Variants in ITPR2 observed in about 807,000 individuals in gnomAD.
ITPR2 encodes inositol 1,4,5-trisphosphate receptor type 2.
Under a neutral mutation model 317.1 loss-of-function variants are expected in ITPR2, and 207 were observed. The ratio of observed to expected loss-of-function variants is 0.65; its 90% CI spans 0.58 to 0.73. The LOEUF (loss-of-function observed/expected upper bound fraction) is 0.73. Ranked by LOEUF, ITPR2 falls within the 30% of genes least tolerant of loss-of-function variation. ITPR2 has a pLI of 0.00. For missense variants in ITPR2, 2,613 were observed against 3,284.0 expected, an observed-to-expected ratio of 0.80 and a Z score of 4.99; for synonymous variants, 1,156 against 1,149.1, an observed-to-expected ratio of 1.01 and a Z score of -0.12.
intron 40 of ITPR2, 64 bp from the exon 41 acceptor site, chr12:26,486,424 AAAC>A: frequency 1.0e-5 from 14 of 1,358,768 alleles, no homozygotes; most frequent in African/African-American, 7.3e-5. Flanking sequence ...AAAAAAAAAA[AAAC>A]AAACCAGGTA....
Position 26,387,583 on chromosome 12 carries a change from C to T in ITPR2, c.7708G>A (p.Asp2570Asn). The change falls in exon 55 of 57, where the codon GAC becomes AAC. Residue 2570 changes from aspartate (D) to asparagine (N), a missense_variant. Coordinates refer to ENST00000381340, the MANE Select transcript of ITPR2 (RefSeq NM_002223.4). ...GAAACCGTTTTATTATCAAACTTGT[C>T]TCTCTCAAGTCCTGAAAAACACAGG... ...TTCFICGLER[D>N]KFDNKTVSFE... is the part of the protein sequence containing the mutation. 1 of 1,613,288 alleles carries T rather than the reference C, an allele frequency of 6.2e-7. No homozygotes were observed. Among genetic ancestry groups the T allele is most frequent in the Non-Finnish European group, 8.5e-7 (1 of 1,179,604 alleles).
intron 2 of ITPR2, among the ~76,000 whole-genome samples, chr12:26,750,318 T>G (rs1002977854): frequency 2.0e-5 from 3 of 152,156 alleles, no homozygotes; most frequent in African/African-American, 7.2e-5. Flanking sequence ...AATAGTGACC[T>G]CTTGTACTAG....
At chr12:26,772,009 G>T (rs1186358733) in intron 2 of ITPR2, among the ~76,000 whole-genome samples, 1 of 152,004 alleles carries the variant, frequency 6.6e-6, no homozygotes, top group Non-Finnish European at 1.5e-5. Context: ...TACAGCAGTG[G>T]TACTCTTGTC....
chr12:26,354,606 A>G (rs1038490940), intron 55 of ITPR2, among the ~76,000 whole-genome samples: 1 of 152,130 alleles, frequency 6.6e-6, no homozygotes, highest in Non-Finnish European at 1.5e-5. Context: ...GTCTCTCTTT[A>G]AGTCTTTTCC....
At chr12:26,554,032 TCCTATTA>T (rs1177789697) in intron 36 of ITPR2, among the ~76,000 whole-genome samples, 2 of 152,194 alleles carry the variant, frequency 1.3e-5, no homozygotes, top group Non-Finnish European at 2.9e-5. Context: ...TGCAATGTAT[TCCTATTA>T]TCACATCACT....
Position 26,411,391 on chromosome 12 carries a change from A to C in ITPR2, c.7328T>G (p.Met2443Arg), listed in dbSNP as rs369918783. The change falls in exon 52 of 57, where the codon ATG becomes AGG. Residue 2443 changes from methionine (M) to arginine (R), a missense_variant. Around this residue, in one of 9 missense-constraint regions of ITPR2, gnomAD observed 113 missense variants for 129.2 expected, o/e 0.87. Transcript: ENST00000381340. ...TGCTTCCATCATGGTAGTTAAAGTC[A>C]TAGTAGGCACTTGATGACTGCCTAA... is the stretch of plus-strand genomic sequence containing the variant. ...PVTGSHQVPT[M>R]TLTTMMEACA... is the part of the protein sequence containing the mutation. 2 of 1,612,968 alleles carry C rather than the reference A, an allele frequency of 1.2e-6. No individual in the cohort carries two copies. Among genetic ancestry groups the C allele is most frequent in the Admixed American group, 1.7e-5 (1 of 59,962 alleles).
At chr12:26,493,128 C>T (rs1451754916) in intron 39 of ITPR2, among the ~76,000 whole-genome samples, 1 of 152,162 alleles carries the variant, frequency 6.6e-6, no homozygotes, top group African/African-American at 2.4e-5. Flanking sequence ...GCTGCAGCTA[C>T]AGCATCATGA....
chr12:26,465,315 CT>C (rs1316278047), intron 45 of ITPR2, among the ~76,000 whole-genome samples: 1 of 152,122 alleles, frequency 6.6e-6, no homozygotes, highest in Non-Finnish European at 1.5e-5. Flanking sequence ...TGGGGGCAAC[CT>C]TTAGATTGGT....
chr12:26,495,415 C>T (rs1942910211), intron 37 of ITPR2, 155 bp from the exon 38 acceptor site: 3 of 548,340 alleles, frequency 5.5e-6, no homozygotes, highest in East Asian at 3.0e-5. Context: ...CAAAAATTTA[C>T]AAATGCATCC....
At chr12:26,567,980 A>ATATATATATATATATATTATATATAT (rs1157752224) in intron 34 of ITPR2, among the ~76,000 whole-genome samples, 137 of 7,540 alleles carry the variant, frequency 0.018, no homozygotes, top group Non-Finnish European at 0.051. Flanking sequence ...TATATATATT[A>ATATATATATATATATATTATATATAT]TATATATATA....
At chr12:26,731,749 G>C (rs936284891) in intron 2 of ITPR2, among the ~76,000 whole-genome samples, 6 of 152,236 alleles carry the variant, frequency 3.9e-5, no homozygotes, top group Admixed American at 3.9e-4. Flanking sequence ...AATGAGCTAT[G>C]ATCACACCAC....
intron 2 of ITPR2, among the ~76,000 whole-genome samples, chr12:26,754,774 C>T (rs963413327): frequency 1.3e-5 from 2 of 152,152 alleles, no homozygotes; most frequent in Non-Finnish European, 2.9e-5. Flanking sequence ...GTAAATTAAA[C>T]ATTGGAATAA....
At chr12:26,362,896 AT>A (rs1938882171) in intron 55 of ITPR2, among the ~76,000 whole-genome samples, 1 of 152,140 alleles carries the variant, frequency 6.6e-6, no homozygotes, top group South Asian at 2.1e-4. Context: ...GGCAAGTCTT[AT>A]TTTATTCTCT....
At chr12:26,624,957 T>C (rs771055869) in intron 23 of ITPR2, among the ~76,000 whole-genome samples, 9 of 151,720 alleles carry the variant, frequency 5.9e-5, no homozygotes, top group Non-Finnish European at 1.2e-4. Context: ...AACAGACAAA[T>C]GGATAAAGAA....
rs1946086793 is a variant in ITPR2 at position 26,604,903 on chromosome 12, G to A, written c.3463-2197C>T. Among the ~76,000 whole-genome samples, 2 of 151,834 alleles carry A rather than the reference G, an allele frequency of 1.3e-5. 1 individual carries two copies. The highest frequency in any genetic ancestry group is 4.2e-4 in the South Asian group (2 of 4,808). ...AAGGTCAGGAGTTCGAGACCAGTCT[G>A]GCCAGTCTGGCCCATCTCTACTAAA... is the stretch of plus-strand genomic sequence containing the variant. On this transcript the variant is annotated intron_variant, in intron 26 of 56. Coordinates refer to ENST00000381340, the MANE Select transcript of ITPR2 (RefSeq NM_002223.4).
At chr12:26,535,802 T>C (rs1173640032) in intron 37 of ITPR2, among the ~76,000 whole-genome samples, 3 of 152,330 alleles carry the variant, frequency 2.0e-5, no homozygotes, top group Admixed American at 6.5e-5. Context: ...TCTTTTTTTG[T>C]TGTACTGTGG....
In ITPR2 at chr12:26,460,069, C is replaced by T. The variant is rs78868942; in HGVS notation, c.6342+15227G>A. ...ATGGCATTCCCAGACATTCAATCAG[C>T]TACAGATGAAGTGGTTCTTGGACTT... On this transcript the variant is annotated intron_variant, in intron 45 of 56. Coordinates refer to ENST00000381340, the MANE Select transcript of ITPR2 (RefSeq NM_002223.4). Among the ~76,000 whole-genome samples, 1,430 of 152,300 alleles carry T rather than the reference C, an allele frequency of 9.4e-3. 12 individuals carry two copies. Among genetic ancestry groups the T allele is most frequent in the Non-Finnish European group, 0.013 (854 of 68,036 alleles).
At position 26,695,593 on chromosome 12, in the gene ITPR2, C is replaced by T. The variant is rs1191949773; in HGVS notation, c.996+13G>A. 6.2e-7 allele frequency: 1 copy of T among 1,606,164 alleles called. No homozygotes were observed. Among genetic ancestry groups the T allele is most frequent in the Admixed American group, 1.7e-5 (1 of 59,906 alleles). ...ATGCTGAGATTTGTTGGAGAAAAGC[C>T]AGTTCTACTCACCACATTTTTTCCT... is the stretch of plus-strand genomic sequence containing the variant. On this transcript the variant is annotated intron_variant, in intron 10 of 56. Coordinates refer to ENST00000381340, the MANE Select transcript of ITPR2 (RefSeq NM_002223.4).
chr12:26,799,935 C>T (rs943704783), intron 1 of ITPR2, among the ~76,000 whole-genome samples: 1 of 152,170 alleles, frequency 6.6e-6, no homozygotes, highest in Non-Finnish European at 1.5e-5. Flanking sequence ...ATCATTGGTG[C>T]TAGAAAAAGT....
Sources: gnomAD v4.1 joint callset for allele counts (sites outside exome capture counted in the v4.1 genomes callset) on GRCh38, gnomAD v4.1.1 for gene constraint, gnomAD v4.1.1 regional missense constraint, MANE v1.5 for transcripts, NCBI Gene and HGNC (gene_info 2026-07-23, HGNC 2026-07-21) for gene names.